The following ACACB variants were observed in gnomAD, a reference collection of about 807,000 sequenced individuals.
The protein encoded by ACACB is acetyl-CoA carboxylase 2.
ACACB carries 209 observed loss-of-function variants against 278.8 expected under a neutral mutation model. The observed-to-expected ratio is 0.75, with a 90% CI of 0.67 to 0.84. The LOEUF (loss-of-function observed/expected upper bound fraction) is 0.84, where lower values mean the gene tolerates loss of function less well. Ranked by LOEUF, ACACB falls within the 40% of genes least tolerant of loss-of-function variation. The pLI, the probability that ACACB is intolerant of heterozygous loss-of-function variation, is 0.00. For synonymous variants in ACACB, 1,174 were observed against 1,285.6 expected (o/e 0.91, Z 1.86); for missense variants, 2,850 against 3,269.0 (o/e 0.87, Z 3.13).
At chr12:109,247,780 C>A in intron 40 of ACACB, 77 bp downstream of exon 40, 1 of 1,221,002 alleles carries the variant, frequency 8.2e-7, no homozygotes, top group Non-Finnish European at 1.2e-6. Flanking sequence ...GGGCTTGTGG[C>A]GATATTTTCC....
Position 109,188,056 on chromosome 12 carries a change from G to T in ACACB, c.2038G>T (p.Val680Leu), listed in dbSNP as rs201520813. ...QELNFRSSKNVWGYFSVAATG... is the reference protein window; with the variant it reads ...QELNFRSSKNLWGYFSVAATG... The stretch of plus-strand genomic sequence containing the variant: ...ACTGAATTTCCGGAGCAGCAAGAAC[G>T]TGTGGGGTTACTTCAGCGTGGCCGC... Residue 680 changes from valine to leucine, a missense_variant, in exon 13 of 53, where the codon GTG (valine) becomes TTG (leucine). Transcript: ENST00000338432. The T allele has an allele frequency of 1.2e-6, 2 of 1,613,722 alleles. No individual in the cohort carries two copies. Among genetic ancestry groups the T allele is most frequent in the Non-Finnish European group, 8.5e-7 (1 of 1,179,618 alleles).
intron 27 of ACACB, among the ~76,000 whole-genome samples, chr12:109,226,841 ATC>A (rs752687090): frequency 3.0e-4 from 46 of 152,176 alleles, no homozygotes; most frequent in Middle Eastern, 3.4e-3. Context: ...TTTACTACCT[ATC>A]TCTTACAGAA....
chr12:109,154,499 A>AAT (rs2043463488), intron 2 of ACACB, among the ~76,000 whole-genome samples: 1 of 152,214 alleles, frequency 6.6e-6, no homozygotes, highest in African/African-American at 2.4e-5. Context: ...AGGCTTTAAA[A>AAT]ATATATATCT....
At chr12:109,229,003 G>A (rs144917279) in intron 28 of ACACB, among the ~76,000 whole-genome samples, 3,555 of 152,122 alleles carry the variant, frequency 0.023, 150 homozygotes, top group African/African-American at 0.082. Context: ...CTGTTGCCCA[G>A]GCTGGAGTGC....
In ACACB at chr12:109,259,451, G is replaced by A. The variant is rs577335486; in HGVS notation, c.6496+343G>A. ...ATGTTTAAAAAATTAGCTGGGCATG[G>A]TGGCACATGCCTATTGTCCCAGCTA... On this transcript the variant is annotated intron_variant, in intron 47 of 52. Coordinates refer to ENST00000338432, the MANE Select transcript of ACACB (RefSeq NM_001093.4). Among the ~76,000 whole-genome samples the A allele has an allele frequency of 7.2e-4, 110 of 152,154 alleles. 2 individuals are homozygous for A. The highest frequency in any genetic ancestry group is 3.2e-4 in the Non-Finnish European group (22 of 68,008).
intron 1 of ACACB, among the ~76,000 whole-genome samples, chr12:109,137,067 A>G (rs150152049): frequency 1.2e-3 from 186 of 152,298 alleles, no homozygotes; most frequent in African/African-American, 4.0e-3. Flanking sequence ...GATTTTGTCA[A>G]ATGCTTTTCC....
At chr12:109,237,486 C>T in intron 34 of ACACB, 106 bp downstream of exon 34, 1 of 1,186,640 alleles carries the variant, frequency 8.4e-7, no homozygotes, top group South Asian at 1.5e-5. Context: ...ATGGAGAGTA[C>T]ACCAACACCC....
Position 109,163,126 on chromosome 12 carries a change from T to C in ACACB, c.654-3735T>C, listed in dbSNP as rs935129995. On this transcript the variant is annotated intron_variant, in intron 2 of 52. Coordinates refer to ENST00000338432, the MANE Select transcript of ACACB (RefSeq NM_001093.4). Reference sequence around the variant, plus strand: ...TTTTAGTAGAGATGGGGTTTCACCATGTTGTCCATGCTGCTCTCAAACTCC... The same window carrying C: ...TTTTAGTAGAGATGGGGTTTCACCACGTTGTCCATGCTGCTCTCAAACTCC... Among the ~76,000 whole-genome samples, 24 of 152,128 alleles carry C rather than the reference T, an allele frequency of 1.6e-4. 1 individual carries two copies. Among genetic ancestry groups the C allele is most frequent in the Admixed American group, 1.5e-3 (23 of 15,262 alleles).
chr12:109,175,964 A>G lies in ACACB; in HGVS notation c.1250A>G (p.Gln417Arg). The G allele has an allele frequency of 6.2e-7, 1 of 1,614,190 alleles. No homozygotes were observed. Among genetic ancestry groups the G allele is most frequent in the African/African-American group, 1.3e-5 (1 of 75,050 alleles). Residue 417 changes from glutamine to arginine, a missense_variant, in exon 8 of 53, where the codon CAG becomes CGG. Gln to Arg is a conservative substitution (Grantham distance 43). Around this residue, in one of 3 missense-constraint regions of ACACB, gnomAD observed 2,265 missense variants for 2,561.3 expected, o/e 0.88. Coordinates refer to ENST00000338432, the MANE Select transcript of ACACB (RefSeq NM_001093.4). Reference protein sequence around the residue: ...LTVEWTEDDLQQGKRISVPED... With the variant: ...LTVEWTEDDLRQGKRISVPED... ...GTGGAGTGGACAGAAGATGATCTGC[A>G]GCAGGGAAAAAGAATCAGTGTCCCA...
intron 13 of ACACB, among the ~76,000 whole-genome samples, chr12:109,189,768 G>A (rs781227310): frequency 2.0e-5 from 3 of 152,142 alleles, no homozygotes; most frequent in African/African-American, 7.2e-5. Context: ...GGGGTCATCA[G>A]TGTCCTTCCC....
chr12:109,234,643 C>T (rs968090982), intron 31 of ACACB, among the ~76,000 whole-genome samples: 1 of 152,120 alleles, frequency 6.6e-6, no homozygotes, highest in African/African-American at 2.4e-5. Flanking sequence ...AGATCATGTC[C>T]TTTGCGGGGA....
chr12:109,224,479 G>A (rs1004312189), intron 27 of ACACB, among the ~76,000 whole-genome samples: 3 of 151,708 alleles, frequency 2.0e-5, no homozygotes, highest in Admixed American at 2.0e-4. Flanking sequence ...TTGAATTCAG[G>A]AACCAAGAAG....
intron 2 of ACACB, among the ~76,000 whole-genome samples, chr12:109,163,794 T>C (rs34272): frequency 0.83 from 126,108 of 152,030 alleles, 52,983 homozygotes; most frequent in Middle Eastern, 0.9. Context: ...GGATTACAGA[T>C]GCACACCACC....
intron 1 of ACACB, among the ~76,000 whole-genome samples, chr12:109,124,127 T>G (rs2042621155): frequency 6.6e-6 from 1 of 152,196 alleles, no homozygotes. Flanking sequence ...GAATGAATGA[T>G]AATTCCTTAA....
intron 28 of ACACB, among the ~76,000 whole-genome samples, chr12:109,230,711 C>T (rs75025632): frequency 0.036 from 5,429 of 152,252 alleles, 129 homozygotes; most frequent in African/African-American, 0.051. Flanking sequence ...ATTATAGGCG[C>T]GAGCCCCTGT....
intron 24 of ACACB, among the ~76,000 whole-genome samples, chr12:109,221,283 C>T (rs1010984478): frequency 6.6e-6 from 1 of 152,210 alleles, no homozygotes; most frequent in Non-Finnish European, 1.5e-5. Context: ...TGCCCCACAG[C>T]TCTACCATCT....
In ACACB at chr12:109,237,222, C is replaced by T. The variant is rs1321703659; in HGVS notation, c.4504C>T (p.Leu1502Phe). The change falls in exon 34 of 53, where the codon CTT becomes TTT. Residue 1502 changes from leucine to phenylalanine, a missense_variant. Leu to Phe is a conservative substitution (Grantham distance 22). Around this residue, in one of 3 missense-constraint regions of ACACB, gnomAD observed 2,265 missense variants for 2,561.3 expected, o/e 0.88. Transcript: ENST00000338432. Reference sequence around the variant, plus strand: ...ACCTGCCCTGGCCTTCCAGCTGGAACTTAACCGGATGCGTAACTTCGATCT... The same window carrying T: ...ACCTGCCCTGGCCTTCCAGCTGGAATTTAACCGGATGCGTAACTTCGATCT... Reference protein sequence around the residue: ...LEPALAFQLELNRMRNFDLTA... With the variant: ...LEPALAFQLEFNRMRNFDLTA... The T allele has an allele frequency of 6.2e-7, 1 of 1,614,180 alleles. No homozygotes were observed.
intron 18 of ACACB, among the ~76,000 whole-genome samples, chr12:109,201,107 A>G (rs1235594249): frequency 6.6e-6 from 1 of 152,226 alleles, no homozygotes; most frequent in Non-Finnish European, 1.5e-5. Flanking sequence ...CATTCGGGAA[A>G]ATTAAAAGGG....
At chr12:109,225,530 A>G (rs2046289189) in intron 27 of ACACB, among the ~76,000 whole-genome samples, 1 of 152,166 alleles carries the variant, frequency 6.6e-6, no homozygotes, top group Non-Finnish European at 1.5e-5. Context: ...ACCATGCCTG[A>G]CCCCATTCTT....
Sources: allele counts gnomAD v4.1 joint callset (sites outside exome capture counted in the v4.1 genomes callset), GRCh38; gene constraint gnomAD v4.1.1; regional missense constraint gnomAD v4.1.1; transcripts MANE v1.5; gene names NCBI Gene and HGNC (gene_info 2026-07-23, HGNC 2026-07-21).